Variants in ULK4 observed in about 807,000 individuals in gnomAD.
ULK4 encodes unc-51 like kinase 4, also known as inactive serine/threonine-protein kinase ULK4.
ULK4 carries 133 observed loss-of-function variants against 160.6 expected under a neutral mutation model. The observed-to-expected ratio is 0.83, with a 90% CI of 0.72 to 0.96. The LOEUF is 0.96. Ranked by LOEUF, ULK4 falls within the 40% of genes least tolerant of loss-of-function variation. The pLI is 0.00. For missense variants in ULK4, 1,580 were observed against 1,499.5 expected, an observed-to-expected ratio of 1.05 and a Z score of -0.89; for synonymous variants, 534 against 539.8, an observed-to-expected ratio of 0.99 and a Z score of 0.15.
chr3:41,515,594 A>G (rs2125927167), intron 32 of ULK4, among the ~76,000 whole-genome samples: 1 of 152,310 alleles, frequency 6.6e-6, no homozygotes, highest in East Asian at 1.9e-4. Context: ...TCATGACAGA[A>G]TGGGAAACAA....
At chr3:41,372,402 C>A (rs897668742) in intron 35 of ULK4, among the ~76,000 whole-genome samples, 1 of 152,112 alleles carries the variant, frequency 6.6e-6, no homozygotes, top group Non-Finnish European at 1.5e-5. Context: ...AGAGAAAGGT[C>A]GGGTTACCCA....
intron 35 of ULK4, among the ~76,000 whole-genome samples, chr3:41,380,853 C>A (rs2081634463): frequency 6.6e-6 from 1 of 152,178 alleles, no homozygotes; most frequent in South Asian, 2.1e-4. Context: ...TCCTCAGTCT[C>A]TTTCCAGGAT....
chr3:41,612,005 G>GA (rs5848606), intron 31 of ULK4, among the ~76,000 whole-genome samples: 9,631 of 147,200 alleles, frequency 0.065, 976 homozygotes, highest in African/African-American at 0.22. Context: ...AAAATATTCA[G>GA]AAAAAAAAAT....
At chr3:41,912,387 A>G (rs1369304698) in intron 9 of ULK4, among the ~76,000 whole-genome samples, 2 of 151,878 alleles carry the variant, frequency 1.3e-5, no homozygotes, top group African/African-American at 4.8e-5. Flanking sequence ...TTTCTTCCCA[A>G]TTACCTCATC....
rs143710236 is a variant in ULK4, at chr3:41,387,530, A to C, written c.3678+10549T>G. Among the ~76,000 whole-genome samples, 1,015 of 152,066 alleles carry C rather than the reference A, an allele frequency of 6.7e-3. 4 individuals carry two copies. The highest frequency in any genetic ancestry group is 0.015 in the East Asian group (79 of 5,168). ...TAATGCTATCCCTCCCTACTCCCCC[A>C]ACTCCACAACAGGCCCAGGTGTGTG... On this transcript the variant is annotated intron_variant, in intron 35 of 36. Transcript: ENST00000301831.
At chr3:41,683,888 G>A (rs564376949) in intron 27 of ULK4, among the ~76,000 whole-genome samples, 7 of 152,194 alleles carry the variant, frequency 4.6e-5, no homozygotes, top group South Asian at 4.1e-4. Flanking sequence ...GGACTTTGTC[G>A]TCTGTCTATT....
At chr3:41,576,126 C>A (rs2088180560) in intron 31 of ULK4, among the ~76,000 whole-genome samples, 1 of 152,218 alleles carries the variant, frequency 6.6e-6, no homozygotes, top group Non-Finnish European at 1.5e-5. Flanking sequence ...TAGAACACAT[C>A]CAGACACACA....
chr3:41,565,251 T>C (rs1426808319), intron 32 of ULK4, among the ~76,000 whole-genome samples: 1 of 152,228 alleles, frequency 6.6e-6, no homozygotes, highest in African/African-American at 2.4e-5. Flanking sequence ...ATTTTTAGAA[T>C]TTTAACAGTA....
intron 17 of ULK4, among the ~76,000 whole-genome samples, chr3:41,855,728 G>A (rs2042320610): frequency 1.3e-5 from 2 of 151,972 alleles, no homozygotes; most frequent in African/African-American, 2.4e-5. Context: ...TCTGCTTCAG[G>A]GATCAGCTCT....
intron 35 of ULK4, among the ~76,000 whole-genome samples, chr3:41,369,790 T>C (rs954294033): frequency 7.7e-6 from 1 of 129,654 alleles, no homozygotes; most frequent in Admixed American, 7.7e-5. Flanking sequence ...TGAGACTATG[T>C]CTCAAAAAAA....
chr3:41,714,852 T>TTAAAAAAAAAAAA (rs1553638784), intron 25 of ULK4, among the ~76,000 whole-genome samples: 31 of 131,354 alleles, frequency 2.4e-4, no homozygotes, highest in African/African-American at 1.0e-3. Context: ...ACTCTGTCTT[T>TTAAAAAAAAAAAA]AAAAAAAAAA....
chr3:41,457,499 A>G (rs548198254), intron 33 of ULK4, among the ~76,000 whole-genome samples: 112 of 152,218 alleles, frequency 7.4e-4, no homozygotes, highest in Non-Finnish European at 1.3e-3. Context: ...AAAGAAAGAC[A>G]TTAGAAATTC....
At chr3:41,724,076 G>A (rs572822394) in intron 22 of ULK4, among the ~76,000 whole-genome samples, 1 of 152,148 alleles carries the variant, frequency 6.6e-6, no homozygotes, top group Non-Finnish European at 1.5e-5. Context: ...TAATCATAAG[G>A]AGATCAAACA....
chr3:41,333,208 A>G (rs1256349841), intron 35 of ULK4, among the ~76,000 whole-genome samples: 1 of 152,230 alleles, frequency 6.6e-6, no homozygotes, highest in Non-Finnish European at 1.5e-5. Context: ...GACAGTTTCA[A>G]AATGAAAACT....
At chr3:41,864,353 GTT>G (rs2042570075) in intron 17 of ULK4, among the ~76,000 whole-genome samples, 2 of 77,606 alleles carry the variant, frequency 2.6e-5, no homozygotes, top group South Asian at 3.2e-4. Flanking sequence ...GAACTGTTTT[GTT>G]TTGTTTTGTT....
At chr3:41,909,943 C>A (rs1698719535) in intron 11 of ULK4, among the ~76,000 whole-genome samples, 1 of 152,064 alleles carries the variant, frequency 6.6e-6, no homozygotes. Flanking sequence ...GTCCCCCAGG[C>A]TGGAGCGCGA....
At chr3:41,620,807 G>T (rs992551120) in intron 30 of ULK4, among the ~76,000 whole-genome samples, 7 of 152,156 alleles carry the variant, frequency 4.6e-5, no homozygotes, top group African/African-American at 1.7e-4. Context: ...ATTCAAATAG[G>T]AAGAGAGGAA....
intron 29 of ULK4, among the ~76,000 whole-genome samples, chr3:41,677,617 C>T (rs2035770591): frequency 6.6e-6 from 1 of 152,180 alleles, no homozygotes; most frequent in African/African-American, 2.4e-5. Context: ...AGGTGAGAGC[C>T]ACCGCGCCCG....
At chr3:41,387,429 T>C (rs938039265) in intron 35 of ULK4, among the ~76,000 whole-genome samples, 8 of 152,130 alleles carry the variant, frequency 5.3e-5, no homozygotes, top group African/African-American at 1.9e-4. Context: ...ATGTGCAGGA[T>C]AGTTACATAT....
Sources: allele counts gnomAD v4.1 joint callset (sites outside exome capture counted in the v4.1 genomes callset), GRCh38; gene constraint gnomAD v4.1.1; transcripts MANE v1.5; gene names NCBI Gene and HGNC (gene_info 2026-07-23, HGNC 2026-07-21).